PALM2AKAP2: variants seen among roughly 807,000 people sequenced by gnomAD.
PALM2AKAP2 encodes PALM2 and AKAP2 fusion, also known as PALM2-AKAP2 fusion protein.
Under a neutral mutation model 71.5 loss-of-function variants are expected in PALM2AKAP2, and 37 were observed. The ratio of observed to expected loss-of-function variants is 0.52; its 90% CI spans 0.40 to 0.68. The LOEUF (loss-of-function observed/expected upper bound fraction) is 0.68, where lower values mean the gene tolerates loss of function less well. Among genes scored for constraint, PALM2AKAP2 ranks in the 30% least tolerant of loss-of-function variants. The pLI, the probability that PALM2AKAP2 is intolerant of heterozygous loss-of-function variation, is 0.00. For missense variants in PALM2AKAP2, 1,224 were observed against 1,191.8 expected (o/e 1.03, Z -0.40); for synonymous variants, 468 against 478.8 (o/e 0.98, Z 0.29).
chr9:109,760,055 A>G (rs1829027617), intron 1 of PALM2AKAP2, among the ~76,000 whole-genome samples: 1 of 152,030 alleles, frequency 6.6e-6, no homozygotes, highest in African/African-American at 2.4e-5. Context: ...TTGTCAAGCC[A>G]CCCTCTTCAC....
chr9:109,701,002 C>T (rs1828046351), intron 1 of PALM2AKAP2, among the ~76,000 whole-genome samples: 1 of 151,930 alleles, frequency 6.6e-6, no homozygotes. Context: ...GAAATAAAAG[C>T]TGAAATGCAA....
intron 1 of PALM2AKAP2, among the ~76,000 whole-genome samples, chr9:109,681,789 T>C (rs1386736514): frequency 6.6e-6 from 1 of 152,188 alleles, no homozygotes; most frequent in African/African-American, 2.4e-5. Context: ...TCCAAATCAC[T>C]GTACACTAGA....
intron 7 of PALM2AKAP2, among the ~76,000 whole-genome samples, chr9:110,037,300 G>A (rs1403500678): frequency 6.6e-6 from 1 of 152,046 alleles, no homozygotes; most frequent in African/African-American, 2.4e-5. Context: ...TCTGCCTCCT[G>A]GGTTCAAGCA....
chr9:109,769,723 G>A (rs944216161), intron 1 of PALM2AKAP2, among the ~76,000 whole-genome samples: 6 of 152,142 alleles, frequency 3.9e-5, no homozygotes, highest in African/African-American at 1.2e-4. Context: ...TGGACAAACC[G>A]TTTTATTATT....
chr9:109,978,609 G>A (rs1348782778), intron 6 of PALM2AKAP2, among the ~76,000 whole-genome samples: 1 of 152,182 alleles, frequency 6.6e-6, no homozygotes, highest in African/African-American at 2.4e-5. Context: ...GGCTTTCACA[G>A]GCCAAGGCTC....
Position 109,745,342 on chromosome 9 carries a change from A to G in PALM2AKAP2, c.6-35146A>G, listed in dbSNP as rs912553467. Among the ~76,000 whole-genome samples, 7 of 151,790 alleles carry G rather than the reference A, an allele frequency of 4.6e-5. No homozygotes were observed. The East Asian group carries it at 1.4e-3, about 29-fold the overall frequency. ...ACTCCAGCCTGGGCATCAAAGTGAG[A>G]CTCTGTCTCAAAAATAAAAAAAAAT... is the stretch of plus-strand genomic sequence containing the variant. On this transcript the variant is annotated intron_variant, in intron 1 of 6. Transcript: ENST00000374531.
intron 1 of PALM2AKAP2, among the ~76,000 whole-genome samples, chr9:109,743,038 C>A (rs1465768009): frequency 6.6e-6 from 1 of 152,198 alleles, no homozygotes; most frequent in African/African-American, 2.4e-5. Flanking sequence ...CTATTCCAGC[C>A]AGAAAGCTGA....
At chr9:109,826,415 T>C (rs1325138101) in intron 1 of PALM2AKAP2, among the ~76,000 whole-genome samples, 1 of 152,100 alleles carries the variant, frequency 6.6e-6, no homozygotes, top group Non-Finnish European at 1.5e-5. Flanking sequence ...GTATCATGAA[T>C]ATTGTTGCTA....
At chr9:109,960,150 A>C (rs963129459) in intron 6 of PALM2AKAP2, among the ~76,000 whole-genome samples, 31 of 151,692 alleles carry the variant, frequency 2.0e-4, no homozygotes, top group Non-Finnish European at 4.0e-4. Flanking sequence ...CCCCTTCCCC[A>C]CACTTGGCCC....
At chr9:109,682,129 T>G (rs1349832599) in intron 1 of PALM2AKAP2, among the ~76,000 whole-genome samples, 1 of 152,176 alleles carries the variant, frequency 6.6e-6, no homozygotes, top group Non-Finnish European at 1.5e-5. Flanking sequence ...TCAAGACCAA[T>G]TAAGGAGCCA....
At chr9:109,716,940 G>A (rs1316987367) in intron 1 of PALM2AKAP2, among the ~76,000 whole-genome samples, 1 of 152,142 alleles carries the variant, frequency 6.6e-6, no homozygotes, top group Non-Finnish European at 1.5e-5. Context: ...CTTGCCAGAA[G>A]GACTAACTCC....
intron 3 of PALM2AKAP2, among the ~76,000 whole-genome samples, chr9:110,157,275 C>G (rs1289992883): frequency 2.0e-5 from 3 of 152,212 alleles, no homozygotes; most frequent in African/African-American, 7.2e-5. Context: ...CCTCCCCTGA[C>G]TGCACTTAAG....
At chr9:109,722,028 GA>G (rs1190352866) in intron 1 of PALM2AKAP2, among the ~76,000 whole-genome samples, 3 of 152,118 alleles carry the variant, frequency 2.0e-5, no homozygotes, top group Non-Finnish European at 2.9e-5. Context: ...GTGCTTTCAG[GA>G]TTTATCTTAC....
intron 2 of PALM2AKAP2, 110 bp downstream of exon 8, chr9:110,138,649 G>T: frequency 2.8e-6 from 4 of 1,438,374 alleles, no homozygotes; most frequent in Non-Finnish European, 2.7e-6. Context: ...TGGAATAAGT[G>T]TTGGGGGGAC....
At chr9:110,101,825 G>C (rs1206368243) in intron 1 of PALM2AKAP2, among the ~76,000 whole-genome samples, 2 of 152,196 alleles carry the variant, frequency 1.3e-5, no homozygotes, top group African/African-American at 2.4e-5. Flanking sequence ...CCTTTTCACT[G>C]TTCCCTTTCC....
In PALM2AKAP2 at chr9:110,027,242, C is replaced by T. The variant is rs115774088; in HGVS notation, c.582+11203C>T. Among the ~76,000 whole-genome samples the T allele has an allele frequency of 5.9e-3, 895 of 152,302 alleles. 8 individuals are homozygous for T. The highest frequency in any genetic ancestry group is 0.02 in the African/African-American group (832 of 41,564). ...GTGCCTTGCTGCAAGTCCCAAATCA[C>T]ACCTGCTTGGCTGTGCATCATTTTC... On this transcript the variant is annotated intron_variant, in intron 7 of 9. Coordinates refer to the PALM2AKAP2 transcript ENST00000302798.
chr9:109,686,366 T>A (rs925814638), intron 1 of PALM2AKAP2, among the ~76,000 whole-genome samples: 1 of 152,198 alleles, frequency 6.6e-6, no homozygotes, highest in Non-Finnish European at 1.5e-5. Flanking sequence ...CAATAAGACT[T>A]GAAAGTTGAA....
chr9:110,013,809 G>A (rs1832925847), intron 6 of PALM2AKAP2, among the ~76,000 whole-genome samples: 1 of 152,172 alleles, frequency 6.6e-6, no homozygotes, highest in South Asian at 2.1e-4. Context: ...AAAGCATCAT[G>A]TAATTTCAAG....
intron 1 of PALM2AKAP2, among the ~76,000 whole-genome samples, chr9:109,726,358 G>A (rs1828476872): frequency 1.3e-5 from 2 of 152,182 alleles, no homozygotes; most frequent in African/African-American, 4.8e-5. Flanking sequence ...TCCCGGTGGA[G>A]GCAACCAGTG....
Sources: allele counts gnomAD v4.1 joint callset (sites outside exome capture counted in the v4.1 genomes callset), GRCh38; gene constraint gnomAD v4.1.1; transcripts MANE v1.5; gene names NCBI Gene and HGNC (gene_info 2026-07-23, HGNC 2026-07-21).